Variants in RABGEF1 observed in about 807,000 individuals in gnomAD.
RABGEF1 encodes RAB guanine nucleotide exchange factor 1.
In RABGEF1, 26 loss-of-function variants were observed where a neutral mutation model predicts 57.3. The ratio of observed to expected loss-of-function variants is 0.45; its 90% CI spans 0.33 to 0.63. The LOEUF is 0.63. RABGEF1 is among the 20% of genes least tolerant of loss of function. RABGEF1 has a pLI of 0.02. For synonymous variants in RABGEF1, 185 were observed against 210.7 expected (o/e 0.88, Z 1.06); for missense variants, 464 against 607.6 (o/e 0.76, Z 2.48).
chr7:66,750,471 A>G (rs1801158771), intron 1 of RABGEF1, among the ~76,000 whole-genome samples: 1 of 152,204 alleles, frequency 6.6e-6, no homozygotes, highest in Non-Finnish European at 1.5e-5. Context: ...ATTAGGGAAC[A>G]AATTGCAGAC....
chr7:66,808,113 A>G (rs1788821344), intron 8 of RABGEF1: 1 of 152,150 alleles, frequency 6.6e-6, no homozygotes, highest in Admixed American at 6.5e-5. Flanking sequence ...ATTTACAGGT[A>G]CAGAAACCTC....
chr7:66,678,324 G>A (rs1206177585), upstream of RABGEF1, among the ~76,000 whole-genome samples: 2 of 151,940 alleles, frequency 1.3e-5, no homozygotes, highest in East Asian at 3.9e-4. Flanking sequence ...CCAGCACTTT[G>A]GGAGGCCGAG....
the RABGEF1 span, among the ~76,000 whole-genome samples, chr7:66,661,297 T>TAA: frequency 1.1e-4 from 1 of 8,750 alleles, no homozygotes. Context: ...AGACTCCATC[T>TAA]CAAAAAAAAA....
At chr7:66,776,005 T>G (rs143296626) in intron 3 of RABGEF1, among the ~76,000 whole-genome samples, 2,470 of 152,332 alleles carry the variant, frequency 0.016, 44 homozygotes, top group Middle Eastern at 0.027. Context: ...GATTGTCACT[T>G]AAGTCACAGT....
intron 2 of RABGEF1, among the ~76,000 whole-genome samples, chr7:66,774,833 A>T (rs1362192673): frequency 1.3e-5 from 2 of 152,214 alleles, no homozygotes; most frequent in Non-Finnish European, 2.9e-5. Flanking sequence ...AAGCCTCGTC[A>T]GACTCCCCCA....
intron 3 of RABGEF1, among the ~76,000 whole-genome samples, chr7:66,781,966 G>C (rs1810021185): frequency 6.6e-6 from 1 of 152,186 alleles, no homozygotes; most frequent in Non-Finnish European, 1.5e-5. Context: ...TCCAGTGTCT[G>C]AAAACCTTTT....
rs1583883448 is a variant in RABGEF1, at chr7:66,765,728, C to A, written c.-17-6155C>A. Among the ~76,000 whole-genome samples the A allele has an allele frequency of 2.6e-5, 4 of 152,254 alleles. No individual in the cohort carries two copies. The East Asian group carries it at 7.7e-4, about 29-fold the overall frequency. On this transcript the variant is annotated intron_variant, in intron 1 of 8. Transcript: ENST00000284957. Reference sequence around the variant, plus strand: ...TTCAAGAGAACAGCCCCGACTTAGTCCCATTTCCAAAACTCGAAGCAAAAG... The same window carrying A: ...TTCAAGAGAACAGCCCCGACTTAGTACCATTTCCAAAACTCGAAGCAAAAG...
intron 1 of RABGEF1, among the ~76,000 whole-genome samples, chr7:66,771,125 T>C (rs1287696278): frequency 6.6e-6 from 1 of 151,956 alleles, no homozygotes; most frequent in Non-Finnish European, 1.5e-5. Flanking sequence ...GTTTTGCAGA[T>C]ATTTAATTTT....
At chr7:66,727,067 C>T (rs1013240506) in intron 2 of RABGEF1, among the ~76,000 whole-genome samples, 2 of 152,172 alleles carry the variant, frequency 1.3e-5, no homozygotes, top group East Asian at 3.9e-4. Flanking sequence ...TGTGAATATA[C>T]TAAAAACCAC....
chr7:66,668,341 T>C, the RABGEF1 span, among the ~76,000 whole-genome samples: 1 of 152,156 alleles, frequency 6.6e-6, no homozygotes, highest in African/African-American at 2.4e-5. Context: ...TAGCCATCCT[T>C]CTACCTCAGC....
At chr7:66,801,040 G>A (rs1190290232) in intron 7 of RABGEF1, among the ~76,000 whole-genome samples, 1 of 152,222 alleles carries the variant, frequency 6.6e-6, no homozygotes, top group Non-Finnish European at 1.5e-5. Flanking sequence ...CTGTTGAAGA[G>A]AACTGCATAA....
intron 2 of RABGEF1, among the ~76,000 whole-genome samples, chr7:66,720,522 AT>A (rs1795928367): frequency 6.7e-6 from 1 of 149,854 alleles, no homozygotes; most frequent in East Asian, 2.0e-4. Context: ...AAAAAAAAAA[AT>A]CAGCAAACTA....
chr7:66,705,963 C>T (rs1410637729), intron 1 of RABGEF1, among the ~76,000 whole-genome samples: 2 of 142,222 alleles, frequency 1.4e-5, no homozygotes, highest in African/African-American at 2.7e-5. Flanking sequence ...GCTGCAGTGG[C>T]GCAATCTCGG....
At position 66,718,681 on chromosome 7, in the gene RABGEF1, A is replaced by G. The variant is rs181284733; in HGVS notation, c.-815+6457A>G. 2.0e-4 allele frequency among the ~76,000 whole-genome samples: 31 copies of G among 152,296 alleles called. No individual in the cohort carries two copies. The East Asian group carries it at 3.3e-3, about 16-fold the overall frequency. ...CCCAAATACTTCGCAGTATTCAGAT[A>G]TGTCCTGAGTATGTACCACGCAGTG... On this transcript the variant is annotated intron_variant and NMD_transcript_variant, in intron 2 of 9. Coordinates refer to the RABGEF1 transcript ENST00000607882.
intron 2 of RABGEF1, among the ~76,000 whole-genome samples, chr7:66,722,259 G>A (rs552049298): frequency 2.0e-5 from 3 of 152,290 alleles, no homozygotes; most frequent in South Asian, 2.1e-4. Context: ...GGCCAACATG[G>A]TGAAACCCCA....
chr7:66,776,340 T>G (rs141010933), intron 3 of RABGEF1, among the ~76,000 whole-genome samples: 20 of 152,346 alleles, frequency 1.3e-4, no homozygotes, highest in African/African-American at 4.8e-4. Flanking sequence ...TTTTGCTGTT[T>G]CCTTTTGTTT....
chr7:66,699,343 T>A (rs192033477), intron 1 of RABGEF1, among the ~76,000 whole-genome samples: 153 of 152,288 alleles, frequency 1.0e-3, no homozygotes, highest in African/African-American at 3.6e-3. Context: ...TTTCACCAGA[T>A]ATAAGGCATT....
At chr7:66,758,077 G>A (rs1176500014) in intron 1 of RABGEF1, among the ~76,000 whole-genome samples, 1 of 152,126 alleles carries the variant, frequency 6.6e-6, no homozygotes. Context: ...GAATTGATTG[G>A]ATGTTTCCTG....
intron 1 of RABGEF1, among the ~76,000 whole-genome samples, chr7:66,765,821 T>C (rs1035297605): frequency 2.0e-5 from 3 of 152,290 alleles, no homozygotes; most frequent in African/African-American, 7.2e-5. Context: ...TATACAAATA[T>C]AGCTGCTGCC....
Sources: allele counts gnomAD v4.1 joint callset (sites outside exome capture counted in the v4.1 genomes callset), GRCh38; gene constraint gnomAD v4.1.1; transcripts MANE v1.5; gene names NCBI Gene and HGNC (gene_info 2026-07-23, HGNC 2026-07-21).